The following ABCA4 variants were observed in gnomAD, a reference collection of about 807,000 sequenced individuals.
The protein encoded by ABCA4 is ATP binding cassette subfamily A member 4.
ABCA4 carries 196 observed loss-of-function variants against 263.7 expected under a neutral mutation model. The ratio of observed to expected loss-of-function variants is 0.74; its 90% confidence interval spans 0.66 to 0.84. The LOEUF (loss-of-function observed/expected upper bound fraction) is 0.84. Among genes scored for constraint, ABCA4 ranks in the 40% least tolerant of loss-of-function variants. The pLI, the probability that ABCA4 is intolerant of heterozygous loss-of-function variation, is 0.00. For missense variants in ABCA4, 2,792 were observed against 2,855.1 expected (o/e 0.98, Z 0.50); for synonymous variants, 1,133 against 1,094.2 (o/e 1.04, Z -0.70).
chr1:94,056,566 G>A (rs761269641), intron 15 of ABCA4, 35 bp downstream of exon 15: 10 of 1,598,818 alleles, frequency 6.3e-6, no homozygotes, highest in Admixed American at 1.7e-5. Context: ...CCAAGGAAAC[G>A]TGTTGTAGGA....
intron 21 of ABCA4, 81 bp downstream of exon 21, chr1:94,043,255 C>G: frequency 6.2e-7 from 1 of 1,601,200 alleles, no homozygotes; most frequent in Non-Finnish European, 8.5e-7. Context: ...TCTCCTGCTC[C>G]AAGCCTCCCC....
At chr1:94,094,170 C>A (rs1662054476) in intron 6 of ABCA4, among the ~76,000 whole-genome samples, 1 of 152,122 alleles carries the variant, frequency 6.6e-6, no homozygotes. Context: ...TAGCAATATC[C>A]ACCCGAAAGT....
chr1:94,000,727 G>A, intron 47 of ABCA4, 109 bp downstream of exon 47: 1 of 1,193,970 alleles, frequency 8.4e-7, no homozygotes, highest in Non-Finnish European at 1.3e-6. Context: ...ACCTGCCTCT[G>A]CCCCAGGGGA....
At chr1:94,019,135 C>G (rs539851057) in intron 36 of ABCA4, among the ~76,000 whole-genome samples, 14 of 145,924 alleles carry the variant, frequency 9.6e-5, no homozygotes, top group African/African-American at 3.1e-4. Flanking sequence ...ACTGGGTGTC[C>G]TGTATTTATC....
In ABCA4 at chr1:94,060,728, T is replaced by G. The variant is rs199590367; in HGVS notation, c.1969A>C (p.Ile657Leu). ...TAGATCCATGCCAGCACCATGAAGA[T>G]AGGGAAACAGCGGTTCAGGATGATC... ...FMIILNRCFP[I>L]FMVLAWIYSV... is the part of the protein sequence containing the mutation. Residue 657 changes from isoleucine (I) to leucine (L), a missense_variant, in exon 14 of 50, where the codon ATC (isoleucine) becomes CTC (leucine). Coordinates refer to ENST00000370225, the MANE Select transcript of ABCA4 (RefSeq NM_000350.3). 6.2e-7 allele frequency: 1 copy of G among 1,613,500 alleles called. No individual in the cohort carries two copies. Among genetic ancestry groups the G allele is most frequent in the Non-Finnish European group, 8.5e-7 (1 of 1,179,806 alleles).
intron 45 of ABCA4, chr1:94,001,596 G>A (rs746145130): frequency 1.6e-6 from 1 of 641,072 alleles, no homozygotes; most frequent in South Asian, 1.5e-5. Context: ...TCCCGGCTGT[G>A]AGCCGATGGC....
chr1:94,008,851 T>C lies in ABCA4; in HGVS notation c.5735A>G (p.Glu1912Gly), dbSNP rs974288771. 2.0e-5 allele frequency: 33 copies of C among 1,613,428 alleles called. No homozygotes were observed. The highest frequency in any genetic ancestry group is 2.7e-5 in the Non-Finnish European group (32 of 1,179,946). The change falls in exon 41 of 50, where the codon GAG becomes GGG. Residue 1912 changes from glutamate (E) to glycine (G), a missense_variant. By Grantham distance (98) the Glu-to-Gly change is moderately conservative. Coordinates refer to ENST00000370225, the MANE Select transcript of ABCA4 (RefSeq NM_000350.3). ...LSQWIAEPTKEPIVDEDDDVA... is the reference protein window; with the variant it reads ...LSQWIAEPTKGPIVDEDDDVA... ...ATCATCATCTTCATCAACAATGGGC[T>C]CCTTAGTGGGCTCGGCAATCCTAGA...
At position 94,063,249 on chromosome 1, in the gene ABCA4, T is replaced by C. The variant is rs61753962; in HGVS notation, c.1623A>G (p.Leu541=). 1.2e-6 allele frequency: 2 copies of C among 1,614,112 alleles called. No homozygotes were observed. The highest frequency in any genetic ancestry group is 1.7e-6 in the Non-Finnish European group (2 of 1,180,006). Residue 541 remains leucine, a synonymous_variant, in exon 12 of 50, where the codon CTA becomes CTG. Coordinates refer to ENST00000370225, the MANE Select transcript of ABCA4 (RefSeq NM_000350.3). ...CGGCCCAGAACATGTTTTCCTCCAG[T>C]AGAGAGAGGGCACGTTGGGTGAGCT... ...ETQLTQRALS[L]LEENMFWAGV... is the part of the protein sequence containing the mutation.
At chr1:94,043,788 A>C (rs915481967) in intron 20 of ABCA4, among the ~76,000 whole-genome samples, 2 of 152,178 alleles carry the variant, frequency 1.3e-5, no homozygotes, top group African/African-American at 4.8e-5. Flanking sequence ...TTGAAAAAAA[A>C]GTCAGGTTAT....
At position 94,098,989 on chromosome 1, in the gene ABCA4, G is replaced by A. The variant is rs374454045; in HGVS notation, c.573C>T (p.Phe191=). Reference sequence around the variant, plus strand: ...GCGCCAGGTCCGGGACTCCATGAGCGAACTGCAGGGAGAAGAGGCAACACT... The same window carrying A: ...GCGCCAGGTCCGGGACTCCATGAGCAAACTGCAGGGAGAAGAGGCAACACT... ...LINSQVRPEQ[F]AHGVPDLALK... Residue 191 remains phenylalanine (F), a splice_region_variant and synonymous_variant, in exon 6 of 50, where the codon TTC becomes TTT. Transcript: ENST00000370225. 23 of 1,605,092 alleles carry A rather than the reference G, an allele frequency of 1.4e-5. No individual in the cohort carries two copies. The African/African-American group carries it at 1.6e-4, about 11-fold the overall frequency.
Position 94,095,753 on chromosome 1 carries a change from T to TTC in ABCA4, c.768+3040_768+3041insGA, listed in dbSNP as rs1485473091. 2.0e-5 allele frequency among the ~76,000 whole-genome samples: 3 copies of TTC among 151,622 alleles called. No individual in the cohort carries two copies. In the South Asian group the frequency reaches 6.3e-4, roughly 32 times the overall value. On this transcript the variant is annotated intron_variant, in intron 6 of 49. Coordinates refer to ENST00000370225, the MANE Select transcript of ABCA4 (RefSeq NM_000350.3). ...AATGCCTGCAATTTCTTTCAGGTTT[T>TTC]TTTTTTTTTTTTGTAAATTTTTGTT...
chr1:93,997,820 C>G, intron 48 of ABCA4, 41 bp downstream of exon 48: 1 of 1,613,192 alleles, frequency 6.2e-7, no homozygotes, highest in South Asian at 1.1e-5. Context: ...GTGTTCTGGA[C>G]CAGTCTTTGC....
At chr1:94,112,945 C>G in intron 2 of ABCA4, 28 bp downstream of exon 2, 2 of 1,585,554 alleles carry the variant, frequency 1.3e-6, no homozygotes, top group Non-Finnish European at 1.7e-6. Context: ...CTCTTCAGGG[C>G]TTGCCCAAGC....
Position 94,021,776 on chromosome 1 carries a change from T to C in ABCA4, c.4774-62A>G, listed in dbSNP as rs1659906156. The C allele has an allele frequency of 1.9e-6, 3 of 1,606,764 alleles. No homozygotes were observed. In the African/African-American group the frequency reaches 4.0e-5, roughly 21 times the overall value. The stretch of plus-strand genomic sequence containing the variant: ...AATTTTTTTTTCCTGTTATCACTCA[T>C]GAGAGTTTCTCATTCATGGTAGTTA... On this transcript the variant is annotated intron_variant, in intron 33 of 49. Coordinates refer to ENST00000370225, the MANE Select transcript of ABCA4 (RefSeq NM_000350.3).
Position 94,098,890 on chromosome 1 carries a change from C to G in ABCA4, c.672G>C (p.Thr224=), listed in dbSNP as rs140972064. The G allele has an allele frequency of 6.2e-7, 1 of 1,614,024 alleles. No individual in the cohort carries two copies. The highest frequency in any genetic ancestry group is 1.3e-5 in the African/African-American group (1 of 75,050). Residue 224 remains threonine, a synonymous_variant, in exon 6 of 50, where the codon ACG becomes ACC. Coordinates refer to ENST00000370225, the MANE Select transcript of ABCA4 (RefSeq NM_000350.3). ...IIFSQRRGAK[T]VRYALCSLSQ... is the part of the protein sequence containing the mutation. ...AGAGGGAGCACAGGGCATAGCGCAC[C>G]GTCTTTGCCCCGCGTCTCTGGCTGA...
At chr1:93,994,568 A>G (rs1658946924) in intron 49 of ABCA4, among the ~76,000 whole-genome samples, 1 of 152,222 alleles carries the variant, frequency 6.6e-6, no homozygotes, top group African/African-American at 2.4e-5. Flanking sequence ...TATAATGTAA[A>G]CAATAATATA....
In ABCA4 at chr1:94,046,971, T is replaced by G. The variant is rs1660701483; in HGVS notation, c.2866A>C (p.Asn956His). Reference protein sequence around the residue: ...VDRLNITFYENQITAFLGHNG... With the variant: ...VDRLNITFYEHQITAFLGHNG... ...TGGCCCAGGAATGCGGTGATCTGGT[T>G]CTCGTAGAAGGTGATGTTCAGACGG... Residue 956 changes from asparagine (N) to histidine (H), a missense_variant, in exon 19 of 50, where the codon AAC becomes CAC. By Grantham distance (68) the Asn-to-His change is moderately conservative. Coordinates refer to ENST00000370225, the MANE Select transcript of ABCA4 (RefSeq NM_000350.3). 6.2e-7 allele frequency: 1 copy of G among 1,613,980 alleles called. No individual in the cohort carries two copies. The highest frequency in any genetic ancestry group is 1.3e-5 in the African/African-American group (1 of 74,884).
intron 30 of ABCA4, among the ~76,000 whole-genome samples, chr1:94,027,262 C>T (rs1370967956): frequency 6.6e-6 from 1 of 152,194 alleles, no homozygotes; most frequent in African/African-American, 2.4e-5. Flanking sequence ...AGGACCAACA[C>T]TACTGAAAAT....
At position 94,043,354 on chromosome 1, in the gene ABCA4, C is replaced by G. The variant is rs1265535267; in HGVS notation, c.3172G>C (p.Glu1058Gln). The change falls in exon 21 of 50, where the codon GAG (glutamate) becomes CAG (glutamine). Residue 1058 changes from glutamate to glutamine, a missense_variant. Physicochemically the swap from Glu to Gln is conservative, Grantham distance 29 (BLOSUM62 2). Transcript: ENST00000370225. ...DTGLHHKRNE[E>Q]AQDLSGGMQR... ...TGAGCACCTGATAGGTCCTGAGCCT[C>G]TTCATTCCGCTTGTGGTGGAGGCCT... 1 of 1,614,102 alleles carries G rather than the reference C, an allele frequency of 6.2e-7. No homozygotes were observed. The highest frequency in any genetic ancestry group is 1.7e-5 in the Admixed American group (1 of 60,012).
Sources: gnomAD v4.1 joint callset for allele counts (sites outside exome capture counted in the v4.1 genomes callset) on GRCh38, gnomAD v4.1.1 for gene constraint, MANE v1.5 for transcripts, NCBI Gene and HGNC (gene_info 2026-07-23, HGNC 2026-07-21) for gene names.